The following CLCN3 variants were observed in gnomAD, a reference collection of about 807,000 sequenced individuals.
CLCN3 encodes the protein Cl-/H+ antiporter 3.
In CLCN3, 16 loss-of-function variants were observed where a neutral mutation model predicts 83.4. The ratio of observed to expected loss-of-function variants is 0.19; its 90% confidence interval spans 0.13 to 0.29. The LOEUF (loss-of-function observed/expected upper bound fraction) is 0.29. Among genes scored for constraint, CLCN3 ranks in the 10% least tolerant of loss-of-function variants. The probability of loss-of-function intolerance (pLI) is 1.00; values close to 1 mark genes in which losing one functional copy is unlikely to be tolerated. For synonymous variants in CLCN3, 322 were observed against 346.2 expected (o/e 0.93, Z 0.78); for missense variants, 544 against 1,006.0 (o/e 0.54, Z 6.21).
chr4:169,701,922 T>C (rs1176012328), intron 9 of CLCN3, among the ~76,000 whole-genome samples: 1 of 152,104 alleles, frequency 6.6e-6, no homozygotes, highest in Non-Finnish European at 1.5e-5. Context: ...GAGGGGAGTG[T>C]GCACAGTGTA....
At chr4:169,705,086 T>C (rs951840014) in intron 10 of CLCN3, among the ~76,000 whole-genome samples, 2 of 152,096 alleles carry the variant, frequency 1.3e-5, no homozygotes, top group African/African-American at 4.8e-5. Context: ...AACAAATATA[T>C]ACAAGGTTAA....
intron 2 of CLCN3, among the ~76,000 whole-genome samples, chr4:169,655,622 G>A (rs1038069213): frequency 1.3e-5 from 2 of 152,074 alleles, no homozygotes; most frequent in South Asian, 2.1e-4. Flanking sequence ...AGCCTCCTGC[G>A]TAGCTAGGAC....
chr4:169,668,942 C>T (rs1045328493), intron 2 of CLCN3, among the ~76,000 whole-genome samples: 1 of 152,044 alleles, frequency 6.6e-6, no homozygotes, highest in African/African-American at 2.4e-5. Flanking sequence ...TAACTTGGAT[C>T]TATGTGTTTT....
chr4:169,697,512 C>T lies in CLCN3; in HGVS notation c.1341C>T (p.Tyr447=). 1 of 1,614,150 alleles carries T rather than the reference C, an allele frequency of 6.2e-7. No individual in the cohort carries two copies. Among genetic ancestry groups the T allele is most frequent in the African/African-American group, 1.3e-5 (1 of 75,066 alleles). Residue 447 remains tyrosine, a synonymous_variant, in exon 9 of 13, where the codon TAC becomes TAT. Transcript: ENST00000513761. ...ITAVIAFPNP[Y]TRLNTSELIK... is the part of the protein sequence containing the mutation. ...CTGTGATAGCCTTCCCTAATCCATACACTAGGCTAAACACCAGTGAACTGA... is the reference window on the plus strand; with the variant it reads ...CTGTGATAGCCTTCCCTAATCCATATACTAGGCTAAACACCAGTGAACTGA...
intron 12 of CLCN3, among the ~76,000 whole-genome samples, chr4:169,718,331 G>C (rs1228734663): frequency 6.6e-6 from 1 of 151,832 alleles, no homozygotes; most frequent in Non-Finnish European, 1.5e-5. Flanking sequence ...GATTTTAAAG[G>C]AGCTTAGCAA....
Position 169,723,511 on chromosome 4 carries a change from G to T in CLCN3, c.*3514G>T, listed in dbSNP as rs1733701454. The stretch of plus-strand genomic sequence containing the variant: ...TTTTTTTTTTCGCAAGAAAAATTAC[G>T]CTATTTGCATGAAAAGAGGTAAAAC... On this transcript the variant is annotated 3_prime_UTR_variant, in exon 13 of 13. Coordinates refer to ENST00000513761, the MANE Select transcript of CLCN3 (RefSeq NM_001829.4). The T allele has an allele frequency of 6.7e-6, 1 of 150,166 alleles. No individual in the cohort carries two copies. The highest frequency in any genetic ancestry group is 1.5e-5 in the Non-Finnish European group (1 of 67,790). The allele number at this position is 150,166 out of a possible 1,614,324, so 9.3% of individuals were successfully genotyped here.
intron 2 of CLCN3, among the ~76,000 whole-genome samples, chr4:169,678,602 T>C (rs1457965418): frequency 1.3e-5 from 2 of 152,068 alleles, no homozygotes; most frequent in African/African-American, 2.4e-5. Context: ...TACTTGAGAT[T>C]AGGGAGTGGT....
chr4:169,680,436 A>G, intron 3 of CLCN3: 1 of 386,560 alleles, frequency 2.6e-6, no homozygotes, highest in East Asian at 4.7e-5. Context: ...AAACAAAGAA[A>G]TACAATAAGA....
At chr4:169,642,680 G>A (rs1437533048) in intron 2 of CLCN3, 1 of 152,124 alleles carries the variant, frequency 6.6e-6, no homozygotes, top group Non-Finnish European at 1.5e-5. Context: ...CACCACACCT[G>A]GCTAATTGTT....
chr4:169,644,646 A>G (rs1730521056), intron 2 of CLCN3, among the ~76,000 whole-genome samples: 1 of 152,254 alleles, frequency 6.6e-6, no homozygotes, highest in Non-Finnish European at 1.5e-5. Flanking sequence ...AAAGGCCAAT[A>G]CAATGAACAA....
At chr4:169,694,302 C>T (rs577559988) in intron 7 of CLCN3, among the ~76,000 whole-genome samples, 3 of 152,234 alleles carry the variant, frequency 2.0e-5, no homozygotes, top group African/African-American at 7.2e-5. Flanking sequence ...AATATTATCA[C>T]GTTTCCATTT....
chr4:169,646,710 CTG>C (rs1185805264), intron 2 of CLCN3, among the ~76,000 whole-genome samples: 1 of 152,088 alleles, frequency 6.6e-6, no homozygotes, highest in African/African-American at 2.4e-5. Flanking sequence ...TATTGTTAAA[CTG>C]TATTGCATAA....
In CLCN3 at chr4:169,721,314, T is replaced by G. The variant is rs967532249; in HGVS notation, c.*1317T>G. ...ACAGAGATATGAACAAAGTTTACAG[T>G]GGGAACAAAGGTTTAAAAAAAGGTT... On this transcript the variant is annotated 3_prime_UTR_variant, in exon 13 of 13. Transcript: ENST00000513761. 1 of 152,114 alleles carries G rather than the reference T, an allele frequency of 6.6e-6. No individual in the cohort carries two copies. The highest frequency in any genetic ancestry group is 6.6e-5 in the Admixed American group (1 of 15,264). 9.4% of individuals were successfully genotyped at this position (152,114 alleles called of 1,614,324 possible). A position where few individuals can be genotyped will look rare whatever the true frequency, so the allele number is the denominator to read the frequency against.
intron 2 of CLCN3, among the ~76,000 whole-genome samples, chr4:169,654,369 T>C (rs1472056690): frequency 6.6e-6 from 1 of 152,122 alleles, no homozygotes; most frequent in Non-Finnish European, 1.5e-5. Flanking sequence ...TTTTTTGTTC[T>C]TTTCTATTAT....
intron 2 of CLCN3, among the ~76,000 whole-genome samples, chr4:169,657,205 A>G (rs1161313079): frequency 6.6e-6 from 1 of 152,302 alleles, no homozygotes; most frequent in East Asian, 1.9e-4. Flanking sequence ...ATTATTTTAA[A>G]ATATGAATAA....
At chr4:169,696,095 G>T (rs1240766349) in intron 8 of CLCN3, among the ~76,000 whole-genome samples, 13 of 151,770 alleles carry the variant, frequency 8.6e-5, no homozygotes, top group African/African-American at 3.1e-4. Context: ...GTTTTGTTTT[G>T]TTTTTGTTTT....
chr4:169,660,300 A>T (rs1223114356), intron 2 of CLCN3: 37 of 1,326,920 alleles, frequency 2.8e-5, no homozygotes, highest in Non-Finnish European at 3.2e-5. Flanking sequence ...GATGGAAGAA[A>T]TGTCACTTTC....
chr4:169,653,817 G>C (rs914321199), intron 2 of CLCN3, among the ~76,000 whole-genome samples: 1 of 152,008 alleles, frequency 6.6e-6, no homozygotes, highest in Admixed American at 6.6e-5. Context: ...GAGATGCCAG[G>C]CTCCTTTAAA....
chr4:169,713,435 G>C (rs1733302086), intron 12 of CLCN3, 140 bp downstream of exon 12: 1 of 622,770 alleles, frequency 1.6e-6, no homozygotes, highest in African/African-American at 1.8e-5. Flanking sequence ...ACAAATATAG[G>C]ATCAGTCAAT....
Sources: gnomAD v4.1 joint callset for allele counts (sites outside exome capture counted in the v4.1 genomes callset) on GRCh38, gnomAD v4.1.1 for gene constraint, MANE v1.5 for transcripts, NCBI Gene and HGNC (gene_info 2026-07-23, HGNC 2026-07-21) for gene names.